The following PCCA variants were observed in gnomAD, a reference collection of about 807,000 sequenced individuals.
PCCA encodes the protein propionyl-CoA carboxylase subunit alpha.
Under a neutral mutation model 101.3 loss-of-function variants are expected in PCCA, and 74 were observed. The observed-to-expected ratio is 0.73, with a 90% confidence interval of 0.61 to 0.89. The LOEUF is 0.89. Among genes scored for constraint, PCCA ranks in the 40% least tolerant of loss-of-function variants. The pLI is 0.00. For synonymous variants in PCCA, 294 were observed against 313.6 expected, an observed-to-expected ratio of 0.94 and a Z score of 0.66; for missense variants, 891 against 907.0, an observed-to-expected ratio of 0.98 and a Z score of 0.23.
At chr13:100,246,432 C>T (rs1322429580) in intron 8 of PCCA, among the ~76,000 whole-genome samples, 1 of 152,162 alleles carries the variant, frequency 6.6e-6, no homozygotes, top group African/African-American at 2.4e-5. Flanking sequence ...ACCTCAGCCA[C>T]TGGAGTAGCT....
chr13:100,205,796 T>C (rs1232235603), intron 6 of PCCA, among the ~76,000 whole-genome samples: 1 of 152,158 alleles, frequency 6.6e-6, no homozygotes, highest in Non-Finnish European at 1.5e-5. Context: ...TAATAAAATT[T>C]TCCATCTTTG....
At chr13:100,406,505 GA>G (rs2077690856) in intron 19 of PCCA, among the ~76,000 whole-genome samples, 1 of 152,186 alleles carries the variant, frequency 6.6e-6, no homozygotes. Context: ...AGGAGTTCGA[GA>G]CCAGCCTGAC....
chr13:100,295,180 G>C (rs1052117247), intron 12 of PCCA, among the ~76,000 whole-genome samples: 1 of 152,160 alleles, frequency 6.6e-6, no homozygotes, highest in Non-Finnish European at 1.5e-5. Context: ...GCTAGATTCT[G>C]TTCCGTGAAC....
intron 21 of PCCA, among the ~76,000 whole-genome samples, chr13:100,478,695 G>C (rs1225464940): frequency 2.6e-5 from 4 of 152,178 alleles, no homozygotes; most frequent in African/African-American, 9.6e-5. Flanking sequence ...GTCACCCTGG[G>C]AGTGACTCCT....
chr13:100,437,627 C>T (rs182232813), intron 20 of PCCA, among the ~76,000 whole-genome samples: 6 of 151,904 alleles, frequency 3.9e-5, no homozygotes, highest in African/African-American at 1.4e-4. Context: ...TAATAGAAGG[C>T]TAACACAAGC....
chr13:100,362,351 C>A (rs9585415), intron 18 of PCCA, among the ~76,000 whole-genome samples: 110,391 of 152,080 alleles, frequency 0.73, 40,460 homozygotes, highest in Middle Eastern at 0.81. Context: ...TTTCTGCACC[C>A]AATTATGGTA....
chr13:100,268,652 T>C (rs769876784), intron 10 of PCCA, 37 bp from the exon 11 acceptor site: 16 of 1,403,768 alleles, frequency 1.1e-5, no homozygotes, highest in Non-Finnish European at 1.6e-5. Flanking sequence ...TTTGTGGGTG[T>C]GGTTATATGG....
chr13:100,310,506 T>A lies in PCCA; in HGVS notation c.1429+598T>A, dbSNP rs1197301429. 2.0e-5 allele frequency among the ~76,000 whole-genome samples: 3 copies of A among 152,198 alleles called. No homozygotes were observed. The East Asian group carries it at 5.8e-4, about 29-fold the overall frequency. On this transcript the variant is annotated intron_variant, in intron 16 of 23. Transcript: ENST00000376285. Reference sequence around the variant, plus strand: ...ATAAGAATATTTTGTCAAAACTCATTTCTGTTAAACTGTGATATAATACGA... The same window carrying A: ...ATAAGAATATTTTGTCAAAACTCATATCTGTTAAACTGTGATATAATACGA...
In PCCA at chr13:100,157,353, T is replaced by A. The variant is rs1387384356; in HGVS notation, c.468+13T>A. The A allele has an allele frequency of 1.3e-6, 2 of 1,582,382 alleles. No individual in the cohort carries two copies. Among genetic ancestry groups the A allele is most frequent in the South Asian group, 2.2e-5 (2 of 90,410 alleles). On this transcript the variant is annotated intron_variant, in intron 6 of 23. Coordinates refer to ENST00000376285, the MANE Select transcript of PCCA (RefSeq NM_000282.4). The stretch of plus-strand genomic sequence containing the variant: ...TGCCAGATGTTTGGTAAGTTGGTAA[T>A]GAACCAGAAACTGTTCATTTCTTTT...
intron 12 of PCCA, among the ~76,000 whole-genome samples, chr13:100,296,078 T>C (rs1235298043): frequency 6.6e-6 from 1 of 152,156 alleles, no homozygotes; most frequent in Non-Finnish European, 1.5e-5. Context: ...AGAGGAAACA[T>C]ATCGCACAAA....
intron 2 of PCCA, among the ~76,000 whole-genome samples, chr13:100,105,015 T>C (rs2047624029): frequency 6.6e-6 from 1 of 152,154 alleles, no homozygotes; most frequent in Non-Finnish European, 1.5e-5. Flanking sequence ...TTTTCAATTT[T>C]CTAATAGCCA....
At position 100,125,594 on chromosome 13, in the gene PCCA, AGATT is replaced by A. The variant is rs777493398; in HGVS notation, c.300+13534_300+13537del. 4.6e-3 allele frequency among the ~76,000 whole-genome samples: 695 copies of A among 152,368 alleles called. 2 individuals carry two copies. The highest frequency in any genetic ancestry group is 7.0e-3 in the Non-Finnish European group (473 of 68,032). Reference sequence around the variant, plus strand: ...AAACTTAGCTTTCAGAAATCTTTTTAGATTAAGAATACAATGTACCTACTATGCA... The same window carrying A: ...AAACTTAGCTTTCAGAAATCTTTTTAAAGAATACAATGTACCTACTATGCA... On this transcript the variant is annotated intron_variant, in intron 4 of 23. Transcript: ENST00000376285.
At chr13:100,307,318 A>T in intron 15 of PCCA, 58 bp downstream of exon 15, 1 of 1,173,064 alleles carries the variant, frequency 8.5e-7, no homozygotes, top group South Asian at 1.2e-5. Flanking sequence ...TGATATTTAA[A>T]GAGTCTGAAA....
chr13:100,142,560 G>A (rs1474323283), intron 4 of PCCA, among the ~76,000 whole-genome samples: 1 of 147,156 alleles, frequency 6.8e-6, no homozygotes, highest in African/African-American at 2.5e-5. Flanking sequence ...TGCAACCTCC[G>A]CCTCCTGGGT....
intron 4 of PCCA, 72 bp downstream of exon 4, chr13:100,112,133 CT>C (rs1013891845): frequency 1.8e-5 from 19 of 1,057,204 alleles, no homozygotes; most frequent in Middle Eastern, 6.0e-4. Context: ...GACATACAGG[CT>C]TTTTTTCTTG....
At chr13:100,239,528 T>G (rs990913753) in intron 8 of PCCA, among the ~76,000 whole-genome samples, 1 of 152,146 alleles carries the variant, frequency 6.6e-6, no homozygotes, top group Non-Finnish European at 1.5e-5. Flanking sequence ...GACTACCTAG[T>G]TTCTCTCATT....
At chr13:100,185,269 A>G (rs926685672) in intron 6 of PCCA, among the ~76,000 whole-genome samples, 1 of 152,110 alleles carries the variant, frequency 6.6e-6, no homozygotes, top group African/African-American at 2.4e-5. Context: ...TGAACTTTCT[A>G]TAGATAGAAT....
In PCCA at chr13:100,347,651, T is replaced by A. The variant is rs187022095; in HGVS notation, c.1643+7392T>A. On this transcript the variant is annotated intron_variant, in intron 18 of 23. Coordinates refer to ENST00000376285, the MANE Select transcript of PCCA (RefSeq NM_000282.4). ...GTCTTTGCTAATTTCTAGCTAAAAT[T>A]GTAAATGTGATAATTGCTACATTAA... 2.6e-5 allele frequency among the ~76,000 whole-genome samples: 4 copies of A among 152,332 alleles called. No individual in the cohort carries two copies. In the East Asian group the frequency reaches 7.7e-4, roughly 29 times the overall value.
At chr13:100,292,965 T>TGTGTGTGTGTC (rs1595156115) in intron 12 of PCCA, among the ~76,000 whole-genome samples, 14 of 53,270 alleles carry the variant, frequency 2.6e-4, no homozygotes, top group African/African-American at 9.5e-4. Context: ...GTGTGTCTGT[T>TGTGTGTGTGTC]TGTGTGTGTG....
Sources: allele counts gnomAD v4.1 joint callset (sites outside exome capture counted in the v4.1 genomes callset), GRCh38; gene constraint gnomAD v4.1.1; transcripts MANE v1.5; gene names NCBI Gene and HGNC (gene_info 2026-07-23, HGNC 2026-07-21).